The following DNASE2B variants were observed in gnomAD, a reference collection of about 807,000 sequenced individuals.
The protein encoded by DNASE2B is deoxyribonuclease 2 beta.
A neutral mutation model predicts 46.0 loss-of-function variants in DNASE2B; 43 were observed. The observed-to-expected ratio is 0.94, with a 90% CI of 0.73 to 1.21. DNASE2B has a LOEUF of 1.21. Ranked by LOEUF, DNASE2B falls within the 50% of genes most tolerant of loss-of-function variation. DNASE2B has a pLI of 0.00. For synonymous variants in DNASE2B, 156 were observed against 152.5 expected (o/e 1.02, Z -0.17); for missense variants, 395 against 414.4 (o/e 0.95, Z 0.41).
At chr1:84,413,587 C>T (rs114702140) in intron 5 of DNASE2B, among the ~76,000 whole-genome samples, 70 of 152,286 alleles carry the variant, frequency 4.6e-4, no homozygotes, top group African/African-American at 1.7e-3. Context: ...GGTCCTTTTC[C>T]TCTGACTACT....
At chr1:84,406,201 G>C (rs886213888) in intron 2 of DNASE2B, among the ~76,000 whole-genome samples, 10 of 152,030 alleles carry the variant, frequency 6.6e-5, no homozygotes, top group African/African-American at 2.4e-4. Context: ...GAAAACGCCT[G>C]CAGCTGCTTC....
Position 84,414,913 on chromosome 1 carries a change from T to G in DNASE2B, c.*45T>G. ...GTACTATCATTGAAAACCTTGACAA[T>G]GGGTCTTCTTCCATTACACCTTCTT... On this transcript the variant is annotated 3_prime_UTR_variant, in exon 6 of 6. Coordinates refer to ENST00000370665, the MANE Select transcript of DNASE2B (RefSeq NM_021233.3). 3 of 1,412,656 alleles carry G rather than the reference T, an allele frequency of 2.1e-6. No individual in the cohort carries two copies. The highest frequency in any genetic ancestry group is 9.8e-7 in the Non-Finnish European group (1 of 1,020,110). 87.5% of individuals were successfully genotyped at this position (1,412,656 alleles called of 1,614,324 possible). A position where few individuals can be genotyped will look rare whatever the true frequency, so the allele number is the denominator to read the frequency against.
intron 1 of DNASE2B, among the ~76,000 whole-genome samples, chr1:84,400,553 T>C (rs773065101): frequency 6.6e-6 from 1 of 152,164 alleles, no homozygotes; most frequent in Non-Finnish European, 1.5e-5. Flanking sequence ...TTTAGGTTTC[T>C]CTGGACCTCA....
At chr1:84,402,491 G>C (rs1205534830) in intron 2 of DNASE2B, among the ~76,000 whole-genome samples, 1 of 150,962 alleles carries the variant, frequency 6.6e-6, no homozygotes, top group Non-Finnish European at 1.5e-5. Context: ...GTGTTGATCA[G>C]TGGTGGTGAG....
In DNASE2B at chr1:84,401,910, T is replaced by C; in HGVS notation, c.135T>C (p.Phe45=). The stretch of plus-strand genomic sequence containing the variant: ...TCATTTTGTCTGTTAGGTTTACTTT[T>C]TATAAGTTACCTAAAAGACAAAACA... ...EEGKAVDWFT[F]YKLPKRQNKE... The change falls in exon 2 of 6, where the codon TTT becomes TTC. Residue 45 remains phenylalanine, a synonymous_variant. Transcript: ENST00000370665. The C allele has an allele frequency of 6.6e-7, 1 of 1,510,948 alleles. No individual in the cohort carries two copies. The highest frequency in any genetic ancestry group is 2.5e-5 in the East Asian group (1 of 40,402). The allele number at this position is 1,510,948 out of a possible 1,614,324, so 93.6% of individuals were successfully genotyped here.
chr1:84,401,930 A>G lies in DNASE2B; in HGVS notation c.155A>G (p.Gln52Arg), dbSNP rs774210460. 1.9e-6 allele frequency: 3 copies of G among 1,543,932 alleles called. No individual in the cohort carries two copies. The highest frequency in any genetic ancestry group is 3.4e-4 in the Middle Eastern group (2 of 5,898). Reference sequence around the variant, plus strand: ...ACTTTTTATAAGTTACCTAAAAGACAAAACAAGGAAAGTGGAGAGACTGGG... The same window carrying G: ...ACTTTTTATAAGTTACCTAAAAGACGAAACAAGGAAAGTGGAGAGACTGGG... Reference protein sequence around the residue: ...WFTFYKLPKRQNKESGETGLE... With the variant: ...WFTFYKLPKRRNKESGETGLE... Residue 52 changes from glutamine (Q) to arginine (R), a missense_variant, in exon 2 of 6, where the codon CAA becomes CGA. Transcript: ENST00000370665.
chr1:84,413,872 C>T (rs1184134321), intron 5 of DNASE2B, among the ~76,000 whole-genome samples: 1 of 152,200 alleles, frequency 6.6e-6, no homozygotes, highest in African/African-American at 2.4e-5. Context: ...CACTCCCCAT[C>T]TCTTCTTTTT....
rs1366635434 is a variant in DNASE2B, at chr1:84,398,706, G to A, written c.125+17G>A. 6.2e-7 allele frequency: 1 copy of A among 1,613,294 alleles called. No individual in the cohort carries two copies. Among genetic ancestry groups the A allele is most frequent in the Admixed American group, 1.7e-5 (1 of 59,994 alleles). The stretch of plus-strand genomic sequence containing the variant: ...TGTGGACTGGTAGGTAAATGAAATG[G>A]AAGGACTGCTGCATGCAAACAGCCT... On this transcript the variant is annotated intron_variant, in intron 1 of 5. Coordinates refer to ENST00000370665, the MANE Select transcript of DNASE2B (RefSeq NM_021233.3).
chr1:84,408,816 T>TTATA lies in DNASE2B; in HGVS notation c.385+316_385+319dup, dbSNP rs10556229. ...AGGACACACACACACACCAGCAATT[T>TTATA]TATATATATATATATATATATGCAC... On this transcript the variant is annotated intron_variant, in intron 3 of 5. Coordinates refer to ENST00000370665, the MANE Select transcript of DNASE2B (RefSeq NM_021233.3). Among the ~76,000 whole-genome samples, 480 of 149,378 alleles carry TTATA rather than the reference T, an allele frequency of 3.2e-3. 1 individual carries two copies. Among genetic ancestry groups the TTATA allele is most frequent in the African/African-American group, 0.011 (455 of 40,738 alleles).
At chr1:84,403,562 G>A (rs1472599701) in intron 2 of DNASE2B, among the ~76,000 whole-genome samples, 2 of 151,822 alleles carry the variant, frequency 1.3e-5, no homozygotes, top group African/African-American at 4.8e-5. Context: ...TGCTATCTCG[G>A]GGGTGGCAGA....
At chr1:84,398,892 G>A (rs1680352681) in intron 1 of DNASE2B, among the ~76,000 whole-genome samples, 1 of 152,206 alleles carries the variant, frequency 6.6e-6, no homozygotes, top group Non-Finnish European at 1.5e-5. Context: ...AAAGAGCTGA[G>A]CAGCCCCTCT....
chr1:84,414,839 T>G lies in DNASE2B; in HGVS notation c.1057T>G (p.Leu353Val). ...GCAAATTTACCAAGCATTTCAAGGATTAGTATTATACTATGAAAGCTGTAA... is the reference window on the plus strand; with the variant it reads ...GCAAATTTACCAAGCATTTCAAGGAGTAGTATTATACTATGAAAGCTGTAA... ...NWQIYQAFQGLVLYYESCK is the reference protein window; with the variant it reads ...NWQIYQAFQGVVLYYESCK The change falls in exon 6 of 6, where the codon TTA (leucine) becomes GTA (valine). Residue 353 changes from leucine to valine, a missense_variant. Leu to Val is a conservative substitution (Grantham distance 32, BLOSUM62 1). Transcript: ENST00000370665. The G allele has an allele frequency of 1.2e-6, 2 of 1,614,052 alleles. No homozygotes were observed. The highest frequency in any genetic ancestry group is 1.7e-6 in the Non-Finnish European group (2 of 1,179,952).
At chr1:84,408,816 T>TTATATA (rs10556229) in intron 3 of DNASE2B, among the ~76,000 whole-genome samples, 6 of 149,298 alleles carry the variant, frequency 4.0e-5, no homozygotes, top group African/African-American at 1.5e-4. Context: ...ACCAGCAATT[T>TTATATA]TATATATATA....
At chr1:84,411,429 T>G (rs1338639364) in intron 4 of DNASE2B, among the ~76,000 whole-genome samples, 10 of 444 alleles carry the variant, frequency 0.023, no homozygotes, top group African/African-American at 0.039. Flanking sequence ...ACCTAGGGTG[T>G]GTGTGTGTGT....
At chr1:84,399,578 C>T (rs1209496256) in intron 1 of DNASE2B, among the ~76,000 whole-genome samples, 1 of 152,094 alleles carries the variant, frequency 6.6e-6, no homozygotes, top group African/African-American at 2.4e-5. Context: ...GTTTTAAGAA[C>T]AATTAAGAAG....
chr1:84,399,321 A>G (rs577093356), intron 1 of DNASE2B, among the ~76,000 whole-genome samples: 91 of 152,346 alleles, frequency 6.0e-4, no homozygotes, highest in African/African-American at 2.2e-3. Flanking sequence ...GGTTTGCCAT[A>G]ATGGTTGGTG....
chr1:84,411,067 T>C, intron 4 of DNASE2B, 68 bp downstream of exon 4: 1 of 1,462,082 alleles, frequency 6.8e-7, no homozygotes, highest in South Asian at 1.2e-5. Context: ...AATATATTCA[T>C]AAATGTGTCA....
chr1:84,411,257 T>A (rs978789995), intron 4 of DNASE2B, among the ~76,000 whole-genome samples: 6 of 152,062 alleles, frequency 3.9e-5, no homozygotes, highest in African/African-American at 1.4e-4. Flanking sequence ...AGATAACATA[T>A]ATGAGTGAAA....
chr1:84,402,023 C>T lies in DNASE2B; in HGVS notation c.248C>T (p.Thr83Ile), dbSNP rs867069246. ...WRKSEQLMNDTKSVLGRTLQQ... is the reference protein window; with the variant it reads ...WRKSEQLMNDIKSVLGRTLQQ... ...AAGAGTGAGCAACTAATGAATGACACCAAGAGTGTTTTGGGAAGGACATTA... is the reference window on the plus strand; with the variant it reads ...AAGAGTGAGCAACTAATGAATGACATCAAGAGTGTTTTGGGAAGGACATTA... The change falls in exon 2 of 6, where the codon ACC becomes ATC. Residue 83 changes from threonine (T) to isoleucine (I), a missense_variant. Transcript: ENST00000370665. The T allele has an allele frequency of 1.3e-5, 21 of 1,610,204 alleles. No individual in the cohort carries two copies. The highest frequency in any genetic ancestry group is 2.7e-5 in the African/African-American group (2 of 74,694).
Sources: gnomAD v4.1 joint callset for allele counts (sites outside exome capture counted in the v4.1 genomes callset) on GRCh38, gnomAD v4.1.1 for gene constraint, MANE v1.5 for transcripts, NCBI Gene and HGNC (gene_info 2026-07-23, HGNC 2026-07-21) for gene names.